Variants in NOL10 observed in about 807,000 individuals in gnomAD.
NOL10 encodes nucleolar protein 10.
Under a neutral mutation model 103.5 loss-of-function variants are expected in NOL10, and 58 were observed. The observed-to-expected ratio is 0.56, with a 90% CI of 0.45 to 0.70. NOL10 has a LOEUF of 0.70. Among genes scored for constraint, NOL10 ranks in the 30% least tolerant of loss-of-function variants. The probability of loss-of-function intolerance (pLI) is 0.00; values close to 1 mark genes in which losing one functional copy is unlikely to be tolerated. For missense variants in NOL10, 763 were observed against 807.3 expected (o/e 0.95, Z 0.67); for synonymous variants, 287 against 282.5 (o/e 1.02, Z -0.16).
intron 13 of NOL10, among the ~76,000 whole-genome samples, chr2:10,636,613 GAAA>G (rs56763235): frequency 1.4e-5 from 2 of 144,202 alleles, no homozygotes; most frequent in Admixed American, 7.0e-5. Flanking sequence ...TTCAATCAAA[GAAA>G]AAAAAAAAAA....
intron 17 of NOL10, among the ~76,000 whole-genome samples, chr2:10,591,183 T>G (rs939283537): frequency 6.6e-6 from 1 of 152,172 alleles, no homozygotes; most frequent in Non-Finnish European, 1.5e-5. Context: ...TTAAACATCA[T>G]TTCCAAGAAA....
chr2:10,579,847 A>G (rs996861455), intron 19 of NOL10, among the ~76,000 whole-genome samples: 6 of 152,228 alleles, frequency 3.9e-5, no homozygotes, highest in African/African-American at 1.4e-4. Flanking sequence ...TGGTATACAG[A>G]AAACACTAAT....
At chr2:10,610,029 AT>A (rs769534895) in intron 13 of NOL10, among the ~76,000 whole-genome samples, 15 of 152,218 alleles carry the variant, frequency 9.9e-5, no homozygotes, top group Non-Finnish European at 1.9e-4. Flanking sequence ...CGGCAAAAGT[AT>A]TTCTAAATTG....
At chr2:10,638,482 C>CTTTTTTTTT (rs1378036555) in intron 13 of NOL10, among the ~76,000 whole-genome samples, 1 of 93,680 alleles carries the variant, frequency 1.1e-5, no homozygotes, top group African/African-American at 4.1e-5. Context: ...AGCTGAATTC[C>CTTTTTTTTT]CTTTTTTTTT....
intron 14 of NOL10, chr2:10,604,595 C>T (rs1266893175): frequency 6.6e-6 from 1 of 152,120 alleles, no homozygotes; most frequent in Non-Finnish European, 1.5e-5. Flanking sequence ...TCTAAATCTT[C>T]CTCAGGATAA....
At chr2:10,613,037 CAAG>C (rs1424441849) in intron 13 of NOL10, among the ~76,000 whole-genome samples, 1 of 148,140 alleles carries the variant, frequency 6.8e-6, no homozygotes, top group African/African-American at 2.5e-5. Context: ...CCAGAGAAGA[CAAG>C]AAGAGAAAGA....
At chr2:10,589,787 A>G in intron 17 of NOL10, 36 bp from the exon 18 acceptor site, 1 of 1,295,102 alleles carries the variant, frequency 7.7e-7, no homozygotes, top group Non-Finnish European at 1.0e-6. Context: ...AATTTAAGTT[A>G]ATATCTGACT....
At position 10,621,046 on chromosome 2, in the gene NOL10, G is replaced by A. The variant is rs367891579; in HGVS notation, c.1027-13735C>T. Among the ~76,000 whole-genome samples the A allele has an allele frequency of 2.0e-4, 30 of 152,148 alleles. 2 individuals carry two copies. The East Asian group carries it at 2.7e-3, about 14-fold the overall frequency. Reference sequence around the variant, plus strand: ...TGAGCTCAAAAGATCCACCTGCCTCGGCCTCCCAAAGTGCTGGGATTACAG... The same window carrying A: ...TGAGCTCAAAAGATCCACCTGCCTCAGCCTCCCAAAGTGCTGGGATTACAG... On this transcript the variant is annotated intron_variant, in intron 13 of 20. Transcript: ENST00000381685.
intron 14 of NOL10, 23 bp from the exon 15 acceptor site, chr2:10,603,180 C>G: frequency 1.9e-6 from 3 of 1,563,238 alleles, no homozygotes; most frequent in Non-Finnish European, 2.6e-6. Flanking sequence ...AAACAGAAGA[C>G]AGCAGGTCCT....
chr2:10,588,674 C>A lies in NOL10; in HGVS notation c.1844+369G>T, dbSNP rs561292266. ...AGTAAGTATTTGTAGGTGAGGGAAC[C>A]CCATGGGGAAAAAACAAGGACAAGG... On this transcript the variant is annotated intron_variant, in intron 19 of 20. Coordinates refer to ENST00000381685, the MANE Select transcript of NOL10 (RefSeq NM_024894.4). Among the ~76,000 whole-genome samples the A allele has an allele frequency of 2.6e-5, 4 of 152,210 alleles. No individual in the cohort carries two copies. In the East Asian group the frequency reaches 5.8e-4, roughly 22 times the overall value.
chr2:10,583,476 CTGCCAT>C (rs1198078312), intron 19 of NOL10, among the ~76,000 whole-genome samples: 2 of 152,206 alleles, frequency 1.3e-5, no homozygotes, highest in East Asian at 3.8e-4. Flanking sequence ...CCGATGGACA[CTGCCAT>C]TGGTTTACTG....
At chr2:10,677,963 A>G (rs911186598) in intron 3 of NOL10, among the ~76,000 whole-genome samples, 7 of 139,158 alleles carry the variant, frequency 5.0e-5, no homozygotes, top group Admixed American at 1.4e-4. Flanking sequence ...TTTTATGTGC[A>G]CACACACACA....
chr2:10,668,481 TA>T (rs1217510852), intron 7 of NOL10, among the ~76,000 whole-genome samples, 176 bp downstream of exon 7: 1 of 152,210 alleles, frequency 6.6e-6, no homozygotes, highest in Non-Finnish European at 1.5e-5. Flanking sequence ...ATTTTTAAAG[TA>T]ATCACCAGAT....
chr2:10,658,494 A>G (rs945219125), intron 10 of NOL10, among the ~76,000 whole-genome samples: 4 of 152,180 alleles, frequency 2.6e-5, no homozygotes, highest in Non-Finnish European at 5.9e-5. Context: ...GAAAGAAAGA[A>G]GTACTCCTCA....
At chr2:10,601,055 T>A in intron 16 of NOL10, 113 bp from the exon 17 acceptor site, 1 of 626,610 alleles carries the variant, frequency 1.6e-6, no homozygotes, top group Non-Finnish European at 2.7e-6. Context: ...AGGAGATAAC[T>A]AATTCTTATT....
chr2:10,610,889 A>G (rs938132383), intron 13 of NOL10, among the ~76,000 whole-genome samples: 2 of 152,196 alleles, frequency 1.3e-5, no homozygotes, highest in African/African-American at 4.8e-5. Flanking sequence ...CAAACTTTCC[A>G]GGTTTTCTGT....
intron 17 of NOL10, among the ~76,000 whole-genome samples, chr2:10,590,636 G>C (rs1389066797): frequency 6.6e-6 from 1 of 152,276 alleles, no homozygotes; most frequent in South Asian, 2.1e-4. Context: ...TCAACTAATT[G>C]TTGTCAAAGG....
chr2:10,657,343 T>C (rs563854687), intron 11 of NOL10, among the ~76,000 whole-genome samples: 353 of 152,050 alleles, frequency 2.3e-3, no homozygotes, highest in African/African-American at 8.2e-3. Context: ...AGGAAAAGTA[T>C]GAATTTGAGA....
intron 12 of NOL10, among the ~76,000 whole-genome samples, chr2:10,647,188 A>AGTACGCAGTGCACT (rs1553308515): frequency 6.6e-6 from 1 of 150,524 alleles, no homozygotes; most frequent in Admixed American, 6.6e-5. Context: ...TATAGTGTAT[A>AGTACGCAGTGCACT]GTACGCTGTA....
Sources: allele counts gnomAD v4.1 joint callset (sites outside exome capture counted in the v4.1 genomes callset), GRCh38; gene constraint gnomAD v4.1.1; transcripts MANE v1.5; gene names NCBI Gene and HGNC (gene_info 2026-07-23, HGNC 2026-07-21).